Variants in EP400 observed in about 807,000 individuals in gnomAD.
The protein encoded by EP400 is E1A-binding protein p400.
Under a neutral mutation model 354.1 loss-of-function variants are expected in EP400, and 105 were observed. The ratio of observed to expected loss-of-function variants is 0.30; its 90% confidence interval spans 0.25 to 0.35. The LOEUF is 0.35. EP400 is among the 10% of genes least tolerant of loss of function. The pLI is 1.00. For missense variants in EP400, 3,280 were observed against 4,121.0 expected (o/e 0.80, Z 5.59); for synonymous variants, 1,646 against 1,716.9 (o/e 0.96, Z 1.02).
At chr12:131,998,879 ACTTTGTATACAGTCTTGTATACAAAGT>A (rs1489087958) in intron 12 of EP400, among the ~76,000 whole-genome samples, 9,988 of 81,712 alleles carry the variant, frequency 0.12, 123 homozygotes, top group African/African-American at 0.19. Context: ...GTATACAAAG[ACTTTGTATACAGTCTTGTATACAAAGT>A]CTTTGTATAC....
intron 30 of EP400, 74 bp downstream of exon 30, chr12:132,032,223 G>A: frequency 6.8e-7 from 1 of 1,473,776 alleles, no homozygotes; most frequent in South Asian, 1.4e-5. Context: ...TGCGGGGATG[G>A]CCGCGTGGAA....
chr12:131,995,936 G>T (rs988849685), intron 12 of EP400, among the ~76,000 whole-genome samples: 1 of 151,378 alleles, frequency 6.6e-6, no homozygotes, highest in African/African-American at 2.4e-5. Flanking sequence ...TCATACGAAC[G>T]AATCCCACCA....
rs375602606 is a variant in EP400, at chr12:132,013,707, G to T, written c.3786+43G>T. The T allele has an allele frequency of 6.2e-7, 1 of 1,608,364 alleles. No homozygotes were observed. The highest frequency in any genetic ancestry group is 1.1e-5 in the South Asian group (1 of 90,386). The stretch of plus-strand genomic sequence containing the variant: ...ATTTCAGTTAATTAATTAAACATGC[G>T]TATGCCTTGTTATAAACGTGTTACA... On this transcript the variant is annotated intron_variant, in intron 18 of 52. Coordinates refer to ENST00000389561, the MANE Select transcript of EP400 (RefSeq NM_015409.5). This position sits in a 1 kb window ranked among gnomAD's most constrained non-coding sequence, Gnocchi z 4.5.
chr12:131,966,788 C>T (rs1003578665), intron 2 of EP400, among the ~76,000 whole-genome samples: 9 of 150,120 alleles, frequency 6.0e-5, no homozygotes, highest in African/African-American at 2.2e-4. Flanking sequence ...CCTGTAATCC[C>T]AGCTACTTGG....
rs1489350226 is a variant in EP400 at position 131,987,725 on chromosome 12, C to T, written c.2244C>T (p.Arg748=). ...QITLENQVHQ[R]IAELRKAGLW... ...TACAGGAGAACCAGGTGCATCAGCGCATTGCGGAGCTGAGGAAAGCAGGTC... is the reference window on the plus strand; with the variant it reads ...TACAGGAGAACCAGGTGCATCAGCGTATTGCGGAGCTGAGGAAAGCAGGTC... Residue 748 remains arginine (R), a synonymous_variant, in exon 7 of 53, where the codon CGC becomes CGT. Coordinates refer to ENST00000389561, the MANE Select transcript of EP400 (RefSeq NM_015409.5). 1.2e-6 allele frequency: 2 copies of T among 1,609,066 alleles called. No individual in the cohort carries two copies.
At chr12:131,962,861 C>T (rs1053333901) in intron 2 of EP400, among the ~76,000 whole-genome samples, 1 of 152,212 alleles carries the variant, frequency 6.6e-6, no homozygotes, top group Non-Finnish European at 1.5e-5. Context: ...TCTTTGTCAG[C>T]TCTTCTGCAA....
At chr12:132,076,100 C>A (rs563817295) in intron 51 of EP400, 14 of 227,546 alleles carry the variant, frequency 6.2e-5, no homozygotes, top group Non-Finnish European at 9.9e-5. Context: ...TTCCCCACTT[C>A]AGCTGGCTGC....
chr12:132,060,308 T>G (rs1183880257), intron 45 of EP400, among the ~76,000 whole-genome samples: 1 of 152,186 alleles, frequency 6.6e-6, no homozygotes, highest in Non-Finnish European at 1.5e-5. Context: ...AGGTAGTCAC[T>G]GACTATCAGA....
chr12:131,957,678 C>T (rs1232722402), intron 1 of EP400, among the ~76,000 whole-genome samples: 1 of 152,062 alleles, frequency 6.6e-6, no homozygotes, highest in Non-Finnish European at 1.5e-5. Flanking sequence ...TCACTGCAAC[C>T]TCCGCCTCTC....
At chr12:131,983,044 TACTC>T (rs1027867626) in intron 5 of EP400, among the ~76,000 whole-genome samples, 7 of 152,254 alleles carry the variant, frequency 4.6e-5, no homozygotes, top group East Asian at 3.9e-4. Flanking sequence ...GGTCCCTCCT[TACTC>T]ACCCATATGT....
intron 32 of EP400, among the ~76,000 whole-genome samples, chr12:132,042,203 G>A (rs1894936698): frequency 6.6e-6 from 1 of 152,130 alleles, no homozygotes; most frequent in South Asian, 2.1e-4. Flanking sequence ...TGCCCGCCTT[G>A]GCCTTCCAAA....
rs1018380232 is a variant in EP400, at chr12:132,066,771, T to C, written c.8554-3T>C. ...GGACTCTCCCATTATTTCTACTGTT[T>C]AGACCCGGGTTCCCACTTCTCAGCT... On this transcript the variant is annotated splice_region_variant and splice_polypyrimidine_tract_variant and intron_variant, in intron 48 of 52. Coordinates refer to ENST00000389561, the MANE Select transcript of EP400 (RefSeq NM_015409.5). 2.5e-6 allele frequency: 4 copies of C among 1,613,664 alleles called. No homozygotes were observed. Among genetic ancestry groups the C allele is most frequent in the East Asian group, 4.5e-5 (2 of 44,842 alleles).
chr12:131,952,610 G>A (rs558654601), intron 1 of EP400, among the ~76,000 whole-genome samples: 13 of 152,158 alleles, frequency 8.5e-5, no homozygotes, highest in Admixed American at 2.6e-4. Flanking sequence ...GTGGCACCAC[G>A]CCGTGCTAAT....
At chr12:132,000,322 G>A (rs1477720231) in intron 12 of EP400, among the ~76,000 whole-genome samples, 1 of 152,024 alleles carries the variant, frequency 6.6e-6, no homozygotes, top group African/African-American at 2.4e-5. Context: ...ATTGCATTTT[G>A]ATCAGACAGA....
At position 132,027,049 on chromosome 12, in the gene EP400, T is replaced by G. The variant is rs1055318362; in HGVS notation, c.5015-388T>G. ...GGGCTGCTCATGGCAGGCAAGGGCC[T>G]CACAGTCATCAGGCGGTCACCTGGG... On this transcript the variant is annotated intron_variant, in intron 25 of 52. Coordinates refer to ENST00000389561, the MANE Select transcript of EP400 (RefSeq NM_015409.5). The surrounding 1 kb of genome is among the most constrained non-coding windows in gnomAD (Gnocchi z 4.9). Among the ~76,000 whole-genome samples, 1 of 152,148 alleles carries G rather than the reference T, an allele frequency of 6.6e-6. No homozygotes were observed. The highest frequency in any genetic ancestry group is 6.5e-5 in the Admixed American group (1 of 15,290).
At position 131,961,918 on chromosome 12, in the gene EP400, AGAG is replaced by A. The variant is rs750171862; in HGVS notation, c.1305_1307del (p.Glu437del). ...TTGAAGAAGAGGAGGAGGAGGAGGAAGAGGAGGAAGAAAAATCTGAGGTTATCA... is the reference window on the plus strand; with the variant it reads ...TTGAAGAAGAGGAGGAGGAGGAGGAAGAGGAAGAAAAATCTGAGGTTATCA... On this transcript the variant is annotated inframe_deletion, in exon 2 of 53. Coordinates refer to ENST00000389561, the MANE Select transcript of EP400 (RefSeq NM_015409.5). The A allele has an allele frequency of 3.7e-6, 6 of 1,613,172 alleles. No individual in the cohort carries two copies. The highest frequency in any genetic ancestry group is 3.3e-5 in the Admixed American group (2 of 59,920).
intron 30 of EP400, among the ~76,000 whole-genome samples, chr12:132,033,833 A>G (rs1894605742): frequency 2.0e-5 from 3 of 152,200 alleles, no homozygotes; most frequent in African/African-American, 7.2e-5. Flanking sequence ...CACCCGGCCA[A>G]CCATTTGTTT....
In EP400 at chr12:132,070,883, A is replaced by G. The variant is rs922512317; in HGVS notation, c.9021+1242A>G. On this transcript the variant is annotated intron_variant, in intron 51 of 52. Transcript: ENST00000389561. This position sits in a 1 kb window ranked among gnomAD's most constrained non-coding sequence, Gnocchi z 4.1. ...CTCTGGCTGTTGTACATTTTTGTACATTAGTTTTTTATTCTGGCCGCCTTG... is the reference window on the plus strand; with the variant it reads ...CTCTGGCTGTTGTACATTTTTGTACGTTAGTTTTTTATTCTGGCCGCCTTG... 1.3e-5 allele frequency among the ~76,000 whole-genome samples: 2 copies of G among 152,136 alleles called. No individual in the cohort carries two copies. The highest frequency in any genetic ancestry group is 6.5e-5 in the Admixed American group (1 of 15,280).
At position 132,066,418 on chromosome 12, in the gene EP400, T is replaced by G. The variant is rs528284459; in HGVS notation, c.8554-356T>G. 281 of 230,384 alleles carry G rather than the reference T, an allele frequency of 1.2e-3. 1 individual carries two copies. Among genetic ancestry groups the G allele is most frequent in the Non-Finnish European group, 1.9e-3 (229 of 118,336 alleles). The allele number at this position is 230,384 out of a possible 1,614,324, so 14.3% of individuals were successfully genotyped here. On this transcript the variant is annotated intron_variant, in intron 48 of 52. Coordinates refer to ENST00000389561, the MANE Select transcript of EP400 (RefSeq NM_015409.5). ...GGACAGGCTGATGTCGAGTGCTCGC[T>G]GAAGGAACAGGAAGTGAAAAGCCTT...
Sources: gnomAD v4.1 joint callset for allele counts (sites outside exome capture counted in the v4.1 genomes callset) on GRCh38, gnomAD v4.1.1 for gene constraint, Gnocchi (gnomAD v3.1) non-coding constraint, MANE v1.5 for transcripts, NCBI Gene and HGNC (gene_info 2026-07-23, HGNC 2026-07-21) for gene names.